ZPBP: variants seen among roughly 807,000 people sequenced by gnomAD.
ZPBP encodes zona pellucida-binding protein 1.
ZPBP carries 26 observed loss-of-function variants against 44.8 expected under a neutral mutation model. The observed-to-expected ratio is 0.58, with a 90% CI of 0.43 to 0.81. The LOEUF (loss-of-function observed/expected upper bound fraction) is 0.81. Ranked by LOEUF, ZPBP falls within the 30% of genes least tolerant of loss-of-function variation. ZPBP has a pLI of 0.00. For missense variants in ZPBP, 409 were observed against 434.0 expected, an observed-to-expected ratio of 0.94 and a Z score of 0.51; for synonymous variants, 174 against 153.2, an observed-to-expected ratio of 1.14 and a Z score of -1.00.
At chr7:49,868,267 T>G (rs1160374811) in intron 2 of ZPBP, among the ~76,000 whole-genome samples, 1 of 152,244 alleles carries the variant, frequency 6.6e-6, no homozygotes, top group Non-Finnish European at 1.5e-5. Flanking sequence ...TAGGTTTCAT[T>G]AATAGGAAAT....
chr7:50,092,361 C>G (rs1042086780), intron 1 of ZPBP, among the ~76,000 whole-genome samples: 2 of 152,190 alleles, frequency 1.3e-5, no homozygotes, highest in Non-Finnish European at 2.9e-5. Context: ...CCTACCTCCA[C>G]AAACCTTTTA....
chr7:49,955,118 G>C (rs1795520632), intron 7 of ZPBP, among the ~76,000 whole-genome samples: 1 of 151,968 alleles, frequency 6.6e-6, no homozygotes, highest in Admixed American at 6.6e-5. Context: ...TAATATTTTG[G>C]ACTTATCAAA....
intron 6 of ZPBP, among the ~76,000 whole-genome samples, chr7:49,984,896 A>C (rs1389046083): frequency 1.3e-5 from 2 of 152,080 alleles, no homozygotes; most frequent in African/African-American, 4.8e-5. Flanking sequence ...TTTTGTTATA[A>C]TGTTGAAGAG....
chr7:49,898,611 A>G (rs1792525776), intron 2 of ZPBP, among the ~76,000 whole-genome samples: 1 of 152,120 alleles, frequency 6.6e-6, no homozygotes, highest in Non-Finnish European at 1.5e-5. Context: ...ATACACACAC[A>G]CATACCCATA....
chr7:49,864,225 A>C (rs1790788589), intron 2 of ZPBP, among the ~76,000 whole-genome samples: 2 of 152,288 alleles, frequency 1.3e-5, no homozygotes, highest in Admixed American at 1.3e-4. Flanking sequence ...GTTTCCTTGA[A>C]TATCAAGGGA....
chr7:49,968,883 C>T (rs764517874), intron 7 of ZPBP, among the ~76,000 whole-genome samples: 23 of 151,606 alleles, frequency 1.5e-4, no homozygotes, highest in African/African-American at 4.6e-4. Context: ...AAATATTTAT[C>T]GTCATATAAA....
In ZPBP at chr7:50,030,274, G is replaced by A. The variant is rs558478117; in HGVS notation, c.706+818C>T. ...GGGAAGGGGAATAGCAAGGGGAGGG[G>A]AGGGCAGAGGAGAAGGAAAGAGAGG... On this transcript the variant is annotated intron_variant, in intron 5 of 7. Coordinates refer to ENST00000046087, the MANE Select transcript of ZPBP (RefSeq NM_007009.3). Among the ~76,000 whole-genome samples, 3 of 152,192 alleles carry A rather than the reference G, an allele frequency of 2.0e-5. No individual in the cohort carries two copies. In the East Asian group the frequency reaches 5.8e-4, roughly 29 times the overall value.
intron 6 of ZPBP, among the ~76,000 whole-genome samples, chr7:50,001,929 A>G (rs1798116464): frequency 6.6e-6 from 1 of 152,088 alleles, no homozygotes. Flanking sequence ...TTTTTTACAT[A>G]GGTCTTGCTC....
At chr7:49,917,085 T>A (rs1159528428) in intron 1 of ZPBP, 2 of 152,254 alleles carry the variant, frequency 1.3e-5, no homozygotes, top group Non-Finnish European at 2.9e-5. Context: ...GTGATATTGA[T>A]CATTTCTGTG....
intron 6 of ZPBP, among the ~76,000 whole-genome samples, chr7:49,999,378 G>C (rs1396746972): frequency 6.6e-6 from 1 of 151,948 alleles, no homozygotes; most frequent in East Asian, 1.9e-4. Context: ...TGATTTTTAT[G>C]TGTCAAGCTG....
intron 2 of ZPBP, among the ~76,000 whole-genome samples, chr7:49,876,818 A>G (rs1791431655): frequency 6.6e-6 from 1 of 151,912 alleles, no homozygotes; most frequent in African/African-American, 2.4e-5. Flanking sequence ...ACAGTCGTGG[A>G]GTTGCTTTAT....
At chr7:49,903,242 T>C (rs1256726017) in intron 1 of ZPBP, among the ~76,000 whole-genome samples, 1 of 152,226 alleles carries the variant, frequency 6.6e-6, no homozygotes. Context: ...GCAATTGTGG[T>C]AGTTGTATTT....
At chr7:50,083,118 A>T (rs985698302) in intron 2 of ZPBP, among the ~76,000 whole-genome samples, 8 of 151,780 alleles carry the variant, frequency 5.3e-5, no homozygotes, top group African/African-American at 1.9e-4. Context: ...AGTACCTCAT[A>T]CCATGACTGT....
chr7:49,869,551 A>G (rs1791049314), intron 2 of ZPBP, among the ~76,000 whole-genome samples: 1 of 152,220 alleles, frequency 6.6e-6, no homozygotes, highest in Non-Finnish European at 1.5e-5. Context: ...ATATTTTTAT[A>G]CTGATCCTTT....
intron 3 of ZPBP, among the ~76,000 whole-genome samples, chr7:50,070,128 C>A (rs532102835): frequency 7.2e-5 from 11 of 152,140 alleles, no homozygotes; most frequent in Non-Finnish European, 1.6e-4. Context: ...TCAGACTAAA[C>A]GAGTGTCTCT....
At chr7:49,968,511 A>T (rs1043304249) in intron 7 of ZPBP, among the ~76,000 whole-genome samples, 1 of 152,076 alleles carries the variant, frequency 6.6e-6, no homozygotes, top group Admixed American at 6.6e-5. Context: ...ATATCAAGAC[A>T]TATGGAGCTG....
chr7:49,990,577 G>A (rs552865410), intron 6 of ZPBP, among the ~76,000 whole-genome samples: 18 of 151,448 alleles, frequency 1.2e-4, no homozygotes, highest in Non-Finnish European at 2.2e-4. Flanking sequence ...TGAAAAAAAC[G>A]TCCCCTGAAA....
intron 6 of ZPBP, among the ~76,000 whole-genome samples, chr7:50,007,724 AC>A (rs1204147277): frequency 6.6e-6 from 1 of 152,124 alleles, no homozygotes; most frequent in Non-Finnish European, 1.5e-5. Context: ...GTTTCAACAT[AC>A]AAAAATCAAT....
chr7:49,959,658 T>C (rs1795766364), intron 7 of ZPBP, among the ~76,000 whole-genome samples: 1 of 152,204 alleles, frequency 6.6e-6, no homozygotes, highest in African/African-American at 2.4e-5. Flanking sequence ...GAAGACTAAA[T>C]ATATTTGAGA....
Sources: allele counts gnomAD v4.1 joint callset (sites outside exome capture counted in the v4.1 genomes callset), GRCh38; gene constraint gnomAD v4.1.1; transcripts MANE v1.5; gene names NCBI Gene and HGNC (gene_info 2026-07-23, HGNC 2026-07-21).